The following ZNF875 variants were observed in gnomAD, a reference collection of about 807,000 sequenced individuals.
ZNF875 encodes zinc finger protein 875, also known as HKR1, GLI-Kruppel zinc finger family member.
In ZNF875, 14 loss-of-function variants were observed where a neutral mutation model predicts 11.2. That is an observed-to-expected ratio of 1.26 (90% CI 0.83 to 1.96). ZNF875 has a LOEUF of 1.96. Among genes scored for constraint, ZNF875 ranks in the 30% most tolerant of loss-of-function variants. ZNF875 has a pLI of 0.00. For missense variants in ZNF875, 752 were observed against 760.4 expected (o/e 0.99, Z 0.13); for synonymous variants, 301 against 281.1 (o/e 1.07, Z -0.71).
At chr19:37,356,003 A>G (rs1230218020) in intron 4 of ZNF875, among the ~76,000 whole-genome samples, 1 of 152,120 alleles carries the variant, frequency 6.6e-6, no homozygotes, top group Non-Finnish European at 1.5e-5. Context: ...CCCATTGTTT[A>G]GCTCCTACTT....
In ZNF875 at chr19:37,362,910, T is replaced by A; in HGVS notation, c.1058T>A (p.Leu353His). 6.2e-7 allele frequency: 1 copy of A among 1,614,022 alleles called. No homozygotes were observed. Residue 353 changes from leucine to histidine, a missense_variant, in exon 5 of 5, where the codon CTC becomes CAC. Physicochemically the swap from Leu to His is moderately conservative, Grantham distance 99. Coordinates refer to ENST00000392153, the MANE Select transcript of ZNF875 (RefSeq NM_001353803.2). ...CAGAGCTTTAGCCTGAAGTCAAACCTCATTACCCACCAGAGGGCGCACACT... is the reference window on the plus strand; with the variant it reads ...CAGAGCTTTAGCCTGAAGTCAAACCACATTACCCACCAGAGGGCGCACACT... ...CGQSFSLKSNLITHQRAHTGE... is the reference protein window; with the variant it reads ...CGQSFSLKSNHITHQRAHTGE...
upstream of ZNF875, among the ~76,000 whole-genome samples, chr19:37,315,833 T>C (rs2030154050): frequency 6.6e-6 from 1 of 152,018 alleles, no homozygotes; most frequent in Non-Finnish European, 1.5e-5. Context: ...ATCTAATCTT[T>C]AACTAGGGCC....
intron 4 of ZNF875, 34 bp downstream of exon 4, chr19:37,347,906 C>T (rs2146291137): frequency 4.0e-6 from 5 of 1,235,750 alleles, no homozygotes; most frequent in Non-Finnish European, 6.0e-6. Context: ...CGGGATAATC[C>T]ACAGCTTGGC....
At chr19:37,324,223 C>G (rs2032025936) in exon 4 of ZNF875, 1 of 152,208 alleles carries the variant, frequency 6.6e-6, no homozygotes, top group Non-Finnish European at 1.5e-5. Context: ...CGCCTGGAAC[C>G]CGCCGCAGGG....
intron 4 of ZNF875, chr19:37,357,828 A>C: frequency 2.5e-6 from 1 of 395,356 alleles, no homozygotes; most frequent in South Asian, 1.4e-4. Context: ...GAACAGAGAT[A>C]ATTTGACTCC....
chr19:37,320,220 G>A (rs1453626064), intron 1 of ZNF875, among the ~76,000 whole-genome samples: 1 of 152,156 alleles, frequency 6.6e-6, no homozygotes, highest in African/African-American at 2.4e-5. Context: ...CAAGTTTAGG[G>A]CCCATGAGAA....
chr19:37,315,803 A>AC (rs2030152717), upstream of ZNF875, among the ~76,000 whole-genome samples: 6 of 152,034 alleles, frequency 3.9e-5, no homozygotes, highest in Admixed American at 3.9e-4. Flanking sequence ...CTACAAGCAG[A>AC]AGTGTTGCAT....
chr19:37,319,369 A>ATATATATATAT (rs56256521), intron 1 of ZNF875, among the ~76,000 whole-genome samples: 28 of 139,838 alleles, frequency 2.0e-4, no homozygotes, highest in South Asian at 4.6e-4. Flanking sequence ...ATATATATAT[A>ATATATATATAT]ATAAAAATGG....
At chr19:37,337,122 T>G (rs952454154) in intron 2 of ZNF875, 1 of 151,878 alleles carries the variant, frequency 6.6e-6, no homozygotes, top group Non-Finnish European at 1.5e-5. Flanking sequence ...TCAGACAATT[T>G]GAGCTGAACA....
intron 4 of ZNF875, among the ~76,000 whole-genome samples, chr19:37,326,227 T>C (rs1227573248): frequency 6.6e-6 from 1 of 152,230 alleles, no homozygotes; most frequent in African/African-American, 2.4e-5. Context: ...TAGCCATCTT[T>C]CAAGTGCTCA....
Position 37,363,191 on chromosome 19 carries a change from G to A in ZNF875, c.1339G>A (p.Val447Ile), listed in dbSNP as rs747392346. The change falls in exon 5 of 5, where the codon GTT becomes ATT. Residue 447 changes from valine (V) to isoleucine (I), a missense_variant. Transcript: ENST00000392153. ...AACACACCAGAGGACACACTCAGGG[G>A]TTAAACCTTATGTCTGCCTGGAGTG... Reference protein sequence around the residue: ...LKTHQRTHSGVKPYVCLECGQ... With the variant: ...LKTHQRTHSGIKPYVCLECGQ... The A allele has an allele frequency of 4.3e-6, 7 of 1,613,494 alleles. No individual in the cohort carries two copies. The Admixed American group carries it at 8.3e-5, about 19-fold the overall frequency.
chr19:37,331,259 C>T (rs1395562040), upstream of ZNF875, among the ~76,000 whole-genome samples: 3 of 130,068 alleles, frequency 2.3e-5, no homozygotes, highest in Non-Finnish European at 3.2e-5. Flanking sequence ...TTGAGAGTCT[C>T]GCTCTTGTTG....
At chr19:37,346,387 C>T (rs2036772625) in intron 2 of ZNF875, 1 of 152,240 alleles carries the variant, frequency 6.6e-6, no homozygotes, top group South Asian at 2.1e-4. Flanking sequence ...TGGGTTGAAT[C>T]CACGCTCTTC....
At chr19:37,354,360 AT>A (rs912589365) in intron 4 of ZNF875, among the ~76,000 whole-genome samples, 3 of 146,280 alleles carry the variant, frequency 2.1e-5, no homozygotes, top group African/African-American at 7.6e-5. Context: ...TTCTGTTGCA[AT>A]TTTTTGAGCA....
intron 1 of ZNF875, among the ~76,000 whole-genome samples, chr19:37,321,784 C>T (rs1340203932): frequency 2.0e-5 from 3 of 152,030 alleles, no homozygotes. Flanking sequence ...CACCCAGGAT[C>T]GGGGAGAGAG....
intron 4 of ZNF875, among the ~76,000 whole-genome samples, chr19:37,353,030 C>T (rs1000212088): frequency 3.3e-5 from 5 of 151,568 alleles, no homozygotes; most frequent in South Asian, 2.1e-4. Context: ...CACGCTACTA[C>T]GCCCAGCTAA....
intron 4 of ZNF875, among the ~76,000 whole-genome samples, chr19:37,352,257 C>T (rs1034458730): frequency 2.0e-5 from 3 of 151,116 alleles, no homozygotes; most frequent in Non-Finnish European, 4.4e-5. Context: ...GCTTTTGTTG[C>T]CCAGGCTGGA....
chr19:37,336,360 C>T (rs1359714350), intron 2 of ZNF875, among the ~76,000 whole-genome samples: 1 of 146,266 alleles, frequency 6.8e-6, no homozygotes, highest in African/African-American at 2.5e-5. Flanking sequence ...AGTGCAGTGG[C>T]GCCATCTCGG....
At chr19:37,343,660 A>C (rs2036219393) in intron 2 of ZNF875, among the ~76,000 whole-genome samples, 1 of 152,138 alleles carries the variant, frequency 6.6e-6, no homozygotes, top group Non-Finnish European at 1.5e-5. Context: ...CACAGCGAGA[A>C]GGCCAGCCCT....
Sources: allele counts gnomAD v4.1 joint callset (sites outside exome capture counted in the v4.1 genomes callset), GRCh38; gene constraint gnomAD v4.1.1; transcripts MANE v1.5; gene names NCBI Gene and HGNC (gene_info 2026-07-23, HGNC 2026-07-21).